NOP58: variants seen among roughly 807,000 people sequenced by gnomAD.
NOP58 encodes the protein nucleolar protein 58.
Under a neutral mutation model 71.2 loss-of-function variants are expected in NOP58, and 44 were observed. That is an observed-to-expected ratio of 0.62 (90% confidence interval 0.49 to 0.79). NOP58 has a LOEUF of 0.79. Ranked by LOEUF, NOP58 falls within the 30% of genes least tolerant of loss-of-function variation. The pLI, the probability that NOP58 is intolerant of heterozygous loss-of-function variation, is 0.00. For synonymous variants in NOP58, 228 were observed against 200.3 expected (o/e 1.14, Z -1.17); for missense variants, 538 against 620.2 (o/e 0.87, Z 1.41).
At position 202,300,231 on chromosome 2, in the gene NOP58, C is replaced by G. The variant is rs1689068491; in HGVS notation, c.1269-3C>G. Reference sequence around the variant, plus strand: ...ATTTTCTAAAACTTTTTGGGTCTTTCAGTGAAGTGAAGACTTACGATCCTT... The same window carrying G: ...ATTTTCTAAAACTTTTTGGGTCTTTGAGTGAAGTGAAGACTTACGATCCTT... On this transcript the variant is annotated splice_region_variant and splice_polypyrimidine_tract_variant and intron_variant, in intron 12 of 14. Transcript: ENST00000264279. 6.4e-7 allele frequency: 1 copy of G among 1,574,246 alleles called. No homozygotes were observed. Among genetic ancestry groups the G allele is most frequent in the Non-Finnish European group, 8.5e-7 (1 of 1,170,614 alleles).
In NOP58 at chr2:202,290,408, A is replaced by G. The variant is rs749677599; in HGVS notation, c.585A>G (p.Gly195=). The part of the protein sequence containing the change: ...EWYGWHFPEL[G]KIISDNLTYC... Reference sequence around the variant, plus strand: ...ATGGCTGGCATTTCCCTGAATTAGGAAAAATTATTTCAGATAATTTAACAT... The same window carrying G: ...ATGGCTGGCATTTCCCTGAATTAGGGAAAATTATTTCAGATAATTTAACAT... The change falls in exon 7 of 15, where the codon GGA becomes GGG. Residue 195 remains glycine (G), a synonymous_variant. Coordinates refer to ENST00000264279, the MANE Select transcript of NOP58 (RefSeq NM_015934.5). 2 of 1,610,164 alleles carry G rather than the reference A, an allele frequency of 1.2e-6. No individual in the cohort carries two copies. The highest frequency in any genetic ancestry group is 1.7e-6 in the Non-Finnish European group (2 of 1,177,056).
intron 3 of NOP58, among the ~76,000 whole-genome samples, chr2:202,281,496 G>A (rs896142901): frequency 6.6e-6 from 1 of 152,124 alleles, no homozygotes; most frequent in African/African-American, 2.4e-5. Flanking sequence ...CTGGAGTACA[G>A]CGGCATGATC....
At position 202,297,422 on chromosome 2, in the gene NOP58, A is replaced by G; in HGVS notation, c.1115A>G (p.Tyr372Cys). 1 of 1,614,046 alleles carries G rather than the reference A, an allele frequency of 6.2e-7. No individual in the cohort carries two copies. Residue 372 changes from tyrosine to cysteine, a missense_variant, in exon 11 of 15, where the codon TAT becomes TGT. By Grantham distance (194) the Tyr-to-Cys change is radical (BLOSUM62 -2). Transcript: ENST00000264279. ...LAAKTVLAIR[Y>C]DAFGEDSSSA... ...GCCAAAACCGTTTTGGCTATCCGTT[A>G]TGATGCTTTTGGTGAGGATTCAAGT...
At chr2:202,297,661 C>A in intron 11 of NOP58, 148 bp downstream of exon 11, 1 of 901,542 alleles carries the variant, frequency 1.1e-6, no homozygotes, top group Non-Finnish European at 1.7e-6. Context: ...TTAACAATTG[C>A]TATTATTTAC....
chr2:202,302,814 G>T (rs1689116209), intron 13 of NOP58, 107 bp from the exon 14 acceptor site: 3 of 1,410,502 alleles, frequency 2.1e-6, no homozygotes, highest in South Asian at 3.0e-5. Flanking sequence ...ACAAACATTG[G>T]GTAGTTGATG....
Position 202,297,541 on chromosome 2 carries a change from A to T in NOP58, c.1206+28A>T, listed in dbSNP as rs746885205. On this transcript the variant is annotated intron_variant, in intron 11 of 14. Transcript: ENST00000264279. ...AAGAACTACATCATGCCTATTCCAG[A>T]AGTATTACTTGTCAAAAGTTAATAA... 2.5e-6 allele frequency: 4 copies of T among 1,594,918 alleles called. No individual in the cohort carries two copies. The South Asian group carries it at 4.6e-5, about 18-fold the overall frequency.
At chr2:202,282,161 T>C (rs1214360399) in intron 3 of NOP58, among the ~76,000 whole-genome samples, 190 bp from the exon 4 acceptor site, 1 of 152,092 alleles carries the variant, frequency 6.6e-6, no homozygotes, top group East Asian at 1.9e-4. Context: ...GTAGCAAAAA[T>C]GAGGGTGGGA....
intron 12 of NOP58, 135 bp downstream of exon 12, chr2:202,298,041 TG>T (rs1689023202): frequency 1.8e-6 from 1 of 566,160 alleles, no homozygotes; most frequent in East Asian, 3.0e-5. Flanking sequence ...AAATTGTGTA[TG>T]TTTATTGTGT....
rs1389219500 is a variant in NOP58 at position 202,297,399 on chromosome 2, C to T, written c.1092C>T (p.Ala364=). The change falls in exon 11 of 15, where the codon GCC becomes GCT. Residue 364 remains alanine (A), a synonymous_variant. Transcript: ENST00000264279. ...HKGKISRMLA[A]KTVLAIRYDA... ...ATTAGATTTCTCGAATGCTGGCAGCCAAAACCGTTTTGGCTATCCGTTATG... is the reference window on the plus strand; with the variant it reads ...ATTAGATTTCTCGAATGCTGGCAGCTAAAACCGTTTTGGCTATCCGTTATG... The T allele has an allele frequency of 1.2e-6, 2 of 1,613,198 alleles. No individual in the cohort carries two copies. The highest frequency in any genetic ancestry group is 8.5e-7 in the Non-Finnish European group (1 of 1,179,560).
chr2:202,288,249 C>T (rs1235134671), intron 6 of NOP58, among the ~76,000 whole-genome samples: 1 of 152,108 alleles, frequency 6.6e-6, no homozygotes, highest in Non-Finnish European at 1.5e-5. Flanking sequence ...CTTTGAGAGG[C>T]TGAGGCGGGA....
At chr2:202,268,109 T>C (rs1367988225) in intron 1 of NOP58, among the ~76,000 whole-genome samples, 4 of 152,172 alleles carry the variant, frequency 2.6e-5, no homozygotes, top group African/African-American at 4.8e-5. Context: ...TTGTACACTT[T>C]AAAAGGGCAA....
At chr2:202,276,834 C>T (rs536833037) in intron 2 of NOP58, among the ~76,000 whole-genome samples, 1 of 151,720 alleles carries the variant, frequency 6.6e-6, no homozygotes, top group East Asian at 2.0e-4. Flanking sequence ...TGAAGTGAGA[C>T]CCTGTCTCAA....
At chr2:202,283,080 G>T (rs1688731342) in intron 4 of NOP58, among the ~76,000 whole-genome samples, 1 of 152,116 alleles carries the variant, frequency 6.6e-6, no homozygotes, top group Non-Finnish European at 1.5e-5. Context: ...GGGTGTGGTG[G>T]CAGGCGCCTG....
intron 9 of NOP58, 28 bp downstream of exon 9, chr2:202,292,931 A>G (rs1169290139): frequency 2.5e-6 from 4 of 1,612,684 alleles, no homozygotes; most frequent in African/African-American, 2.7e-5. Flanking sequence ...ATTTGTAAAT[A>G]TGAGTGTTTG....
In NOP58 at chr2:202,287,688, G is replaced by A. The variant is rs771800135; in HGVS notation, c.463G>A (p.Ala155Thr). ...SLSRYRLKFS[A>T]DKVDTMIVQA... ...GTCTCGATATAGATTGAAGTTTAGCGCTGATAAAGTAGACACAATGATTGT... is the reference window on the plus strand; with the variant it reads ...GTCTCGATATAGATTGAAGTTTAGCACTGATAAAGTAGACACAATGATTGT... The change falls in exon 6 of 15, where the codon GCT becomes ACT. Residue 155 changes from alanine to threonine, a missense_variant. By Grantham distance (58) the Ala-to-Thr change is moderately conservative (BLOSUM62 0). Coordinates refer to ENST00000264279, the MANE Select transcript of NOP58 (RefSeq NM_015934.5). The A allele has an allele frequency of 6.2e-6, 10 of 1,612,916 alleles. No individual in the cohort carries two copies. Among genetic ancestry groups the A allele is most frequent in the South Asian group, 2.2e-5 (2 of 91,042 alleles).
chr2:202,284,294 C>G, intron 4 of NOP58, 51 bp from the exon 5 acceptor site: 2 of 1,423,172 alleles, frequency 1.4e-6, no homozygotes, highest in East Asian at 5.0e-5. Flanking sequence ...ATAACAACTT[C>G]AGGAAAGTCT....
intron 6 of NOP58, among the ~76,000 whole-genome samples, chr2:202,289,023 G>T (rs866625890): frequency 3.9e-5 from 6 of 151,988 alleles, no homozygotes; most frequent in Admixed American, 2.6e-4. Flanking sequence ...AGGAGGCTGA[G>T]GAAGGAGAAT....
intron 5 of NOP58, chr2:202,284,838 A>C (rs544600381): frequency 5.3e-6 from 1 of 187,518 alleles, no homozygotes; most frequent in African/African-American, 2.4e-5. Flanking sequence ...TATTCCCCCA[A>C]ATTCTCTCAT....
intron 13 of NOP58, among the ~76,000 whole-genome samples, chr2:202,302,083 C>CTTTTTTTTTTTTTTTTTTTT (rs71031885): frequency 3.3e-5 from 3 of 90,586 alleles, no homozygotes; most frequent in African/African-American, 4.6e-5. Context: ...TTTTTTTTTT[C>CTTTTTTTTTTTTTTTTTTTT]TTTTTTTTTT....
Sources: allele counts gnomAD v4.1 joint callset (sites outside exome capture counted in the v4.1 genomes callset), GRCh38; gene constraint gnomAD v4.1.1; transcripts MANE v1.5; gene names NCBI Gene and HGNC (gene_info 2026-07-23, HGNC 2026-07-21).